Variants in LRFN5 observed in about 807,000 individuals in gnomAD.
The protein encoded by LRFN5 is leucine rich repeat and fibronectin type III domain containing 5, also known as leucine-rich repeat and fibronectin type-III domain-containing protein 5.
In LRFN5, 24 loss-of-function variants were observed where a neutral mutation model predicts 45.6. The observed-to-expected ratio is 0.53, with a 90% CI of 0.38 to 0.74. The LOEUF is 0.74. Ranked by LOEUF, LRFN5 falls within the 30% of genes least tolerant of loss-of-function variation. The probability of loss-of-function intolerance (pLI) is 0.00; values close to 1 mark genes in which losing one functional copy is unlikely to be tolerated. For synonymous variants in LRFN5, 340 were observed against 313.8 expected, an observed-to-expected ratio of 1.08 and a Z score of -0.88; for missense variants, 776 against 861.5, an observed-to-expected ratio of 0.90 and a Z score of 1.24.
At chr14:41,674,318 C>T (rs1333497361) in intron 1 of LRFN5, among the ~76,000 whole-genome samples, 1 of 119,182 alleles carries the variant, frequency 8.4e-6, no homozygotes, top group Non-Finnish European at 1.7e-5. Context: ...GGCGGCTGGC[C>T]GGGCGGGGGG....
chr14:41,808,398 A>AGGAAG, intron 2 of LRFN5, among the ~76,000 whole-genome samples: 1 of 56,972 alleles, frequency 1.8e-5, no homozygotes. Context: ...AAGGAAAGGA[A>AGGAAG]GAAAGGAAGA....
chr14:41,782,417 A>T (rs1277549113), intron 2 of LRFN5, among the ~76,000 whole-genome samples: 1 of 152,034 alleles, frequency 6.6e-6, no homozygotes, highest in Non-Finnish European at 1.5e-5. Context: ...CTCTGCTTAC[A>T]TTGTCATCTG....
chr14:41,879,701 A>G (rs1334568025), intron 2 of LRFN5, among the ~76,000 whole-genome samples: 2 of 146,724 alleles, frequency 1.4e-5, no homozygotes, highest in African/African-American at 5.4e-5. Context: ...AACAAATGTG[A>G]TATTGTTTAT....
intron 2 of LRFN5, among the ~76,000 whole-genome samples, chr14:41,857,474 T>C (rs975110540): frequency 6.6e-6 from 1 of 152,202 alleles, no homozygotes; most frequent in African/African-American, 2.4e-5. Context: ...ATAGTATATA[T>C]GCTACTTATT....
intron 2 of LRFN5, among the ~76,000 whole-genome samples, chr14:41,824,406 G>A (rs901298583): frequency 2.6e-5 from 4 of 152,126 alleles, no homozygotes; most frequent in African/African-American, 9.7e-5. Context: ...AGGGTGCTGA[G>A]GCTCATTATG....
intron 2 of LRFN5, among the ~76,000 whole-genome samples, chr14:41,800,302 G>A (rs1040555566): frequency 1.3e-5 from 2 of 151,502 alleles, no homozygotes; most frequent in Non-Finnish European, 2.9e-5. Flanking sequence ...AGAAATTATT[G>A]GCAAATGTCC....
intron 1 of LRFN5, among the ~76,000 whole-genome samples, chr14:41,708,732 G>A (rs553555546): frequency 1.3e-4 from 18 of 142,090 alleles, no homozygotes; most frequent in Admixed American, 7.8e-4. Context: ...TTTTTTTTAC[G>A]TTTTGTTATT....
intron 1 of LRFN5, among the ~76,000 whole-genome samples, chr14:41,752,197 C>T (rs1885164112): frequency 1.3e-5 from 2 of 152,138 alleles, no homozygotes; most frequent in Admixed American, 1.3e-4. Context: ...CAAGTCTTTG[C>T]TATTTTGAGT....
chr14:41,876,169 G>T (rs548327218), intron 2 of LRFN5, among the ~76,000 whole-genome samples: 1 of 151,654 alleles, frequency 6.6e-6, no homozygotes, highest in Non-Finnish European at 1.5e-5. Flanking sequence ...ACCCAGAGAA[G>T]AATGCGTAAT....
At chr14:41,665,817 A>G (rs1880870356) in intron 1 of LRFN5, among the ~76,000 whole-genome samples, 1 of 152,004 alleles carries the variant, frequency 6.6e-6, no homozygotes, top group African/African-American at 2.4e-5. Context: ...AAATTATAAT[A>G]ACAGATATAT....
chr14:41,738,893 T>C (rs1325181267), intron 1 of LRFN5, among the ~76,000 whole-genome samples: 4 of 152,202 alleles, frequency 2.6e-5, no homozygotes, highest in Admixed American at 2.0e-4. Context: ...AACTACTATT[T>C]ACAACAAATG....
intron 1 of LRFN5, among the ~76,000 whole-genome samples, chr14:41,611,904 T>A (rs1887771554): frequency 6.6e-6 from 1 of 152,168 alleles, no homozygotes; most frequent in Admixed American, 6.5e-5. Context: ...CCCTATTCCC[T>A]CTTCAATTAT....
chr14:41,671,616 C>CATTTTTTTTTTT (rs1566613142), intron 1 of LRFN5, among the ~76,000 whole-genome samples: 1 of 37,220 alleles, frequency 2.7e-5, no homozygotes, highest in Non-Finnish European at 4.5e-5. Context: ...TTTTTTTTTT[C>CATTTTTTTTTTT]GTTTTTTTTT....
At chr14:41,711,071 A>G (rs1883263996) in intron 1 of LRFN5, among the ~76,000 whole-genome samples, 1 of 152,152 alleles carries the variant, frequency 6.6e-6, no homozygotes, top group African/African-American at 2.4e-5. Context: ...AGTAATTGAA[A>G]CTATGTATTT....
intron 1 of LRFN5, among the ~76,000 whole-genome samples, chr14:41,672,314 C>T (rs966923624): frequency 6.6e-6 from 1 of 152,078 alleles, no homozygotes; most frequent in African/African-American, 2.4e-5. Context: ...CTTTGTGTCT[C>T]GTGTAAGATA....
At position 41,891,540 on chromosome 14, in the gene LRFN5, G is replaced by T; in HGVS notation, c.1676G>T (p.Gly559Val). 6.2e-7 allele frequency: 1 copy of T among 1,614,068 alleles called. No homozygotes were observed. Among genetic ancestry groups the T allele is most frequent in the Non-Finnish European group, 8.5e-7 (1 of 1,180,020 alleles). Residue 559 changes from glycine to valine, a missense_variant, in exon 4 of 6, where the codon GGG becomes GTG. Physicochemically the swap from Gly to Val is moderately radical, Grantham distance 109. Transcript: ENST00000298119. Reference protein sequence around the residue: ...MIRYKVCNNNGQHKVTKVSNV... With the variant: ...MIRYKVCNNNVQHKVTKVSNV... ...CGGTATAAGGTTTGCAACAATAATG[G>T]GCAACACAAGGTCACCAAGGTTAGC...
chr14:41,823,263 A>G (rs1312086462), intron 2 of LRFN5, among the ~76,000 whole-genome samples: 1 of 151,922 alleles, frequency 6.6e-6, no homozygotes, highest in Non-Finnish European at 1.5e-5. Flanking sequence ...TTTTTATGAC[A>G]GTGACTATTA....
intron 2 of LRFN5, among the ~76,000 whole-genome samples, chr14:41,847,696 T>C (rs1889117602): frequency 6.6e-6 from 1 of 152,080 alleles, no homozygotes; most frequent in African/African-American, 2.4e-5. Flanking sequence ...TAGTAATTGG[T>C]GGAGGAATAT....
At chr14:41,851,978 A>G (rs959303815) in intron 2 of LRFN5, among the ~76,000 whole-genome samples, 6 of 131,452 alleles carry the variant, frequency 4.6e-5, no homozygotes, top group African/African-American at 1.5e-4. Flanking sequence ...GCTCTAAAGT[A>G]ATGCAGAAAA....
Sources: allele counts gnomAD v4.1 joint callset (sites outside exome capture counted in the v4.1 genomes callset), GRCh38; gene constraint gnomAD v4.1.1; transcripts MANE v1.5; gene names NCBI Gene and HGNC (gene_info 2026-07-23, HGNC 2026-07-21).